The following SETBP1 variants were observed in gnomAD, a reference collection of about 807,000 sequenced individuals.
The protein encoded by SETBP1 is SET binding protein 1, also known as SET-binding protein.
In SETBP1, 9 loss-of-function variants were observed where a neutral mutation model predicts 101.0. The ratio of observed to expected loss-of-function variants is 0.09; its 90% CI spans 0.05 to 0.16. SETBP1 has a LOEUF of 0.16. SETBP1 is among the 10% of genes least tolerant of loss of function. The probability of loss-of-function intolerance (pLI) is 1.00; values close to 1 mark genes in which losing one functional copy is unlikely to be tolerated. For missense variants in SETBP1, 1,858 were observed against 2,033.8 expected (o/e 0.91, Z 1.66); for synonymous variants, 818 against 788.5 (o/e 1.04, Z -0.63).
intron 4 of SETBP1, among the ~76,000 whole-genome samples, chr18:44,993,185 T>C (rs4890497): frequency 0.98 from 148,456 of 152,114 alleles, 72,462 homozygotes; most frequent in East Asian, 1. Context: ...AAGAAAAAAC[T>C]CTGCAGTAGG....
intron 3 of SETBP1, among the ~76,000 whole-genome samples, chr18:44,884,698 A>T (rs1167550974): frequency 3.9e-5 from 6 of 152,208 alleles, no homozygotes; most frequent in Non-Finnish European, 5.9e-5. Flanking sequence ...CACATGGCAA[A>T]TGTGTCAGTG....
At chr18:44,934,175 G>A (rs2070905603) in intron 3 of SETBP1, among the ~76,000 whole-genome samples, 1 of 148,246 alleles carries the variant, frequency 6.7e-6, no homozygotes, top group Non-Finnish European at 1.5e-5. Flanking sequence ...TTTAGACTGA[G>A]TCTTGCTCTG....
intron 3 of SETBP1, among the ~76,000 whole-genome samples, chr18:44,911,230 C>G (rs1174331398): frequency 6.6e-6 from 1 of 152,038 alleles, no homozygotes; most frequent in African/African-American, 2.4e-5. Flanking sequence ...TTTGAGGCTT[C>G]TATTATTGAA....
At chr18:44,767,730 G>A (rs1032391546) in intron 2 of SETBP1, among the ~76,000 whole-genome samples, 1 of 152,178 alleles carries the variant, frequency 6.6e-6, no homozygotes, top group East Asian at 1.9e-4. Flanking sequence ...TGAAAATTAT[G>A]TTATTCTTAT....
intron 2 of SETBP1, among the ~76,000 whole-genome samples, chr18:44,753,976 A>G (rs992783226): frequency 1.3e-5 from 2 of 152,236 alleles, no homozygotes; most frequent in Admixed American, 1.3e-4. Context: ...ATTTGTGGAC[A>G]GCTCAAACTC....
Position 44,877,091 on chromosome 18 carries a change from C to T in SETBP1, c.540+7808C>T, listed in dbSNP as rs563311424. ...GCCTTTTTTCTAGCTTGCCTTGTAT[C>T]AGCTATGCCATGGATCTTTGCTCTC... On this transcript the variant is annotated intron_variant, in intron 3 of 5. Coordinates refer to ENST00000649279, the MANE Select transcript of SETBP1 (RefSeq NM_015559.3). 2.2e-5 allele frequency: 23 copies of T among 1,023,620 alleles called. 1 individual carries two copies. The South Asian group carries it at 8.6e-4, about 38-fold the overall frequency. The allele number at this position is 1,023,620 out of a possible 1,614,324, so 63.4% of individuals were successfully genotyped here.
Position 45,063,604 on chromosome 18 carries a change from A to C in SETBP1, c.4697A>C (p.Gln1566Pro). ...CAGGCCCCCGCTCAGCCCCCACAGC[A>C]GTCGCCCCCGCAGCAGCCCCTTCCC... ...KPQAPAQPPQ[Q>P]SPPQQPLPQE... The change falls in exon 6 of 6, where the codon CAG becomes CCG. Residue 1566 changes from glutamine to proline, a missense_variant. Gln to Pro is a moderately conservative substitution (Grantham distance 76, BLOSUM62 -1). Transcript: ENST00000649279. 6.5e-7 allele frequency: 1 copy of C among 1,546,480 alleles called. No individual in the cohort carries two copies. The highest frequency in any genetic ancestry group is 8.8e-7 in the Non-Finnish European group (1 of 1,141,450).
At chr18:44,758,349 A>C (rs915174860) in intron 2 of SETBP1, among the ~76,000 whole-genome samples, 4 of 152,146 alleles carry the variant, frequency 2.6e-5, no homozygotes, top group Admixed American at 1.3e-4. Flanking sequence ...CAGGACCTTA[A>C]ATCTTGAGAC....
At chr18:44,927,802 T>G (rs2070738361) in intron 3 of SETBP1, among the ~76,000 whole-genome samples, 1 of 152,166 alleles carries the variant, frequency 6.6e-6, no homozygotes, top group Non-Finnish European at 1.5e-5. Context: ...GGTTAAATGG[T>G]GCAGCATGCT....
chr18:44,853,069 G>A (rs183592199), intron 2 of SETBP1, among the ~76,000 whole-genome samples: 1 of 152,192 alleles, frequency 6.6e-6, no homozygotes, highest in Non-Finnish European at 1.5e-5. Flanking sequence ...AAAAGAGTTT[G>A]AAAGAGCACT....
intron 4 of SETBP1, among the ~76,000 whole-genome samples, chr18:44,982,294 G>A (rs2145240545): frequency 6.6e-6 from 1 of 152,142 alleles, no homozygotes; most frequent in Admixed American, 6.5e-5. Flanking sequence ...TGCCGGGCTG[G>A]GGAGGCAGGG....
At position 44,701,490 on chromosome 18, in the gene SETBP1, C is replaced by T. The variant is rs371516078; in HGVS notation, c.144C>T (p.Ile48=). ...CCACTCCAGGACCTGGGAAGGGGAT[C>T]CCGGTGGGCGGAGAGCGCATGGAGC... ...LLSTPGPGKG[I]PVGGERMEPE... is the part of the protein sequence containing the mutation. Residue 48 remains isoleucine, a synonymous_variant, in exon 2 of 6, where the codon ATC becomes ATT. Transcript: ENST00000649279. 6.2e-7 allele frequency: 1 copy of T among 1,613,886 alleles called. No individual in the cohort carries two copies. The highest frequency in any genetic ancestry group is 1.7e-5 in the Admixed American group (1 of 60,014).
At chr18:44,880,339 G>A (rs1166196937) in intron 3 of SETBP1, among the ~76,000 whole-genome samples, 2 of 152,158 alleles carry the variant, frequency 1.3e-5, no homozygotes, top group Non-Finnish European at 2.9e-5. Context: ...TGTTGACGTG[G>A]TGATAGGGCA....
Position 44,952,340 on chromosome 18 carries a change from G to A in SETBP1, c.3000G>A (p.Gln1000=), listed in dbSNP as rs2071378067. Residue 1000 remains glutamine (Q), a synonymous_variant, in exon 4 of 6, where the codon CAG becomes CAA. Transcript: ENST00000649279. Reference sequence around the variant, plus strand: ...ACTATTACCCGGTGCCATATATCCAGTATGACCCGTTGCTCTATCTTCGTA... The same window carrying A: ...ACTATTACCCGGTGCCATATATCCAATATGACCCGTTGCTCTATCTTCGTA... The part of the protein sequence containing the change: ...FDHYYPVPYI[Q]YDPLLYLRRT... 5 of 1,613,998 alleles carry A rather than the reference G, an allele frequency of 3.1e-6. No individual in the cohort carries two copies. In the South Asian group the frequency reaches 3.3e-5, roughly 11 times the overall value.
chr18:44,856,552 A>G (rs950162809), intron 2 of SETBP1, among the ~76,000 whole-genome samples: 3 of 152,154 alleles, frequency 2.0e-5, no homozygotes, highest in Non-Finnish European at 4.4e-5. Flanking sequence ...ATATCTTACT[A>G]CTTTTGTTAT....
chr18:44,892,707 G>A (rs935905290), intron 3 of SETBP1, among the ~76,000 whole-genome samples: 3 of 152,020 alleles, frequency 2.0e-5, no homozygotes, highest in Non-Finnish European at 4.4e-5. Context: ...TCTATCTACT[G>A]GTTTTATTGT....
At chr18:44,942,206 A>T (rs1156356991) in intron 3 of SETBP1, among the ~76,000 whole-genome samples, 1 of 152,064 alleles carries the variant, frequency 6.6e-6, no homozygotes, top group Non-Finnish European at 1.5e-5. Flanking sequence ...CATTTCTGAG[A>T]TCTCAGCTGA....
rs1369732807 is a variant in SETBP1, at chr18:44,950,133, G to A, written c.793G>A (p.Gly265Ser). 8.7e-6 allele frequency: 14 copies of A among 1,613,898 alleles called. No homozygotes were observed. Among genetic ancestry groups the A allele is most frequent in the Non-Finnish European group, 1.1e-5 (13 of 1,180,038 alleles). The change falls in exon 4 of 6, where the codon GGT becomes AGT. Residue 265 changes from glycine to serine, a missense_variant. Gly to Ser is a moderately conservative substitution (Grantham distance 56). This residue lies in a region of SETBP1 where 581 missense variants were observed against 535.1 expected (regional missense o/e 1.09). Coordinates refer to ENST00000649279, the MANE Select transcript of SETBP1 (RefSeq NM_015559.3). Reference sequence around the variant, plus strand: ...CGTGGCTTCCTTTGCAAAGGCCCAGGGTAAGAAAGGCAGTGCAGGGAACAC... The same window carrying A: ...CGTGGCTTCCTTTGCAAAGGCCCAGAGTAAGAAAGGCAGTGCAGGGAACAC... ...EPVASFAKAQGKKGSAGNTWS... is the reference protein window; with the variant it reads ...EPVASFAKAQSKKGSAGNTWS...
chr18:44,742,275 G>T (rs895873793), intron 2 of SETBP1, among the ~76,000 whole-genome samples: 5 of 152,164 alleles, frequency 3.3e-5, no homozygotes, highest in Non-Finnish European at 7.4e-5. Context: ...CCCGCACCCC[G>T]GTCTCCTGAC....
Sources: allele counts gnomAD v4.1 joint callset (sites outside exome capture counted in the v4.1 genomes callset), GRCh38; gene constraint gnomAD v4.1.1; regional missense constraint gnomAD v4.1.1; transcripts MANE v1.5; gene names NCBI Gene and HGNC (gene_info 2026-07-23, HGNC 2026-07-21).